Variants in LDB2 observed in about 807,000 individuals in gnomAD.
LDB2 encodes LIM domain-binding protein 2.
LDB2 carries 12 observed loss-of-function variants against 44.3 expected under a neutral mutation model. The ratio of observed to expected loss-of-function variants is 0.27; its 90% CI spans 0.17 to 0.44. The LOEUF is 0.44. Ranked by LOEUF, LDB2 falls within the 20% of genes least tolerant of loss-of-function variation. The pLI is 1.00. For missense variants in LDB2, 344 were observed against 473.5 expected (o/e 0.73, Z 2.54); for synonymous variants, 164 against 174.8 (o/e 0.94, Z 0.49).
rs534606047 is a variant in LDB2, at chr4:16,559,391, C to CA, written c.615+26530dup. 9.9e-3 allele frequency among the ~76,000 whole-genome samples: 1,496 copies of CA among 151,032 alleles called. 24 individuals carry two copies. Among genetic ancestry groups the CA allele is most frequent in the African/African-American group, 0.035 (1,422 of 41,206 alleles). ...GAAGATCTACCAAGCCAATGGAAAA[C>CA]AAAAAAAAGGCAGGGGTTGCAATCC... On this transcript the variant is annotated intron_variant, in intron 5 of 7. Transcript: ENST00000304523.
chr4:16,725,968 AT>A (rs1759360875), intron 2 of LDB2, among the ~76,000 whole-genome samples: 1 of 148,862 alleles, frequency 6.7e-6, no homozygotes, highest in Admixed American at 6.7e-5. Flanking sequence ...TATTTATGAT[AT>A]TAGTACATAA....
chr4:16,856,834 C>CT (rs1293714118), intron 1 of LDB2, among the ~76,000 whole-genome samples: 7 of 152,274 alleles, frequency 4.6e-5, no homozygotes, highest in Non-Finnish European at 1.0e-4. Flanking sequence ...GGTTAAGTCA[C>CT]TTGTCCAAAG....
rs1753055943 is a variant in LDB2 at position 16,699,884 on chromosome 4, C to T, written c.235+59274G>A. Among the ~76,000 whole-genome samples the T allele has an allele frequency of 2.0e-5, 3 of 152,134 alleles. No homozygotes were observed. The South Asian group carries it at 6.2e-4, about 32-fold the overall frequency. ...GCGAACGCTGCATCCACTTAGAACG[C>T]ATGTACAGTAGGGGGGCCAGATTTA... On this transcript the variant is annotated intron_variant, in intron 2 of 7. Transcript: ENST00000304523.
intron 1 of LDB2, among the ~76,000 whole-genome samples, chr4:16,793,069 G>A (rs1227367624): frequency 6.6e-6 from 1 of 152,170 alleles, no homozygotes; most frequent in African/African-American, 2.4e-5. Flanking sequence ...AGAGGTTGAA[G>A]GTGGCTATTT....
chr4:16,661,937 G>T (rs545837566), intron 2 of LDB2, among the ~76,000 whole-genome samples: 1 of 152,108 alleles, frequency 6.6e-6, no homozygotes, highest in Admixed American at 6.5e-5. Flanking sequence ...GGTAGCACTC[G>T]CTCTTGGAAG....
intron 1 of LDB2, among the ~76,000 whole-genome samples, chr4:16,886,370 T>C (rs1366294100): frequency 2.0e-5 from 3 of 152,192 alleles, no homozygotes; most frequent in Non-Finnish European, 4.4e-5. Context: ...TTTAAGAAGA[T>C]TTAAGGACAC....
chr4:16,547,528 G>A (rs983925192), intron 5 of LDB2, among the ~76,000 whole-genome samples: 5 of 152,142 alleles, frequency 3.3e-5, no homozygotes, highest in Admixed American at 1.3e-4. Context: ...TTGGTATCTT[G>A]ACTGGGATGT....
At chr4:16,766,609 G>A (rs1339218889) in intron 1 of LDB2, among the ~76,000 whole-genome samples, 4 of 151,090 alleles carry the variant, frequency 2.6e-5, no homozygotes, top group Non-Finnish European at 2.9e-5. Context: ...GTGTTCAAGC[G>A]ATTCTCCTGC....
At chr4:16,561,551 G>T (rs951918127) in intron 5 of LDB2, among the ~76,000 whole-genome samples, 1 of 152,118 alleles carries the variant, frequency 6.6e-6, no homozygotes, top group Non-Finnish European at 1.5e-5. Context: ...ACAAACCACT[G>T]CTCAAGGCAA....
rs77974501 is a variant in LDB2 at position 16,770,628 on chromosome 4, T to A, written c.133-11368A>T. On this transcript the variant is annotated intron_variant, in intron 1 of 7. Transcript: ENST00000304523. The stretch of plus-strand genomic sequence containing the variant: ...ATAAGCGGCAACATTGGAATTTGCA[T>A]CCTCTCTGACTCATAAATTTTTATT... Among the ~76,000 whole-genome samples the A allele has an allele frequency of 6.7e-3, 1,019 of 152,308 alleles. 5 individuals are homozygous for A. Among genetic ancestry groups the A allele is most frequent in the Middle Eastern group, 0.024 (7 of 294 alleles).
chr4:16,593,797 A>G (rs1252864097), intron 3 of LDB2, among the ~76,000 whole-genome samples: 2 of 152,204 alleles, frequency 1.3e-5, no homozygotes, highest in Admixed American at 1.3e-4. Flanking sequence ...GGAAAATTTC[A>G]GGATAAGAAA....
At chr4:16,874,237 C>T (rs1012569918) in intron 1 of LDB2, among the ~76,000 whole-genome samples, 1 of 151,884 alleles carries the variant, frequency 6.6e-6, no homozygotes, top group Admixed American at 6.6e-5. Flanking sequence ...TCTTAAGATT[C>T]AGTTTTATAT....
intron 2 of LDB2, among the ~76,000 whole-genome samples, chr4:16,716,858 T>C (rs568225619): frequency 1.3e-5 from 2 of 152,238 alleles, no homozygotes; most frequent in East Asian, 3.9e-4. Context: ...TAAATATTTA[T>C]ACTAAATTTT....
At chr4:16,612,352 A>G (rs190464908) in intron 2 of LDB2, among the ~76,000 whole-genome samples, 1 of 152,194 alleles carries the variant, frequency 6.6e-6, no homozygotes, top group African/African-American at 2.4e-5. Context: ...GAAGACAAGA[A>G]ATAACTAAGA....
At chr4:16,562,186 A>C (rs1238323741) in intron 5 of LDB2, among the ~76,000 whole-genome samples, 1 of 152,184 alleles carries the variant, frequency 6.6e-6, no homozygotes, top group East Asian at 1.9e-4. Context: ...AAAACACCAA[A>C]AGCAATGGCA....
intron 2 of LDB2, among the ~76,000 whole-genome samples, chr4:16,689,577 T>C (rs113102431): frequency 0.02 from 3,000 of 152,340 alleles, 51 homozygotes; most frequent in Non-Finnish European, 0.031. Flanking sequence ...GTTCAAATCC[T>C]AACTCTTCCA....
At chr4:16,655,294 C>T (rs938557819) in intron 2 of LDB2, among the ~76,000 whole-genome samples, 2 of 152,136 alleles carry the variant, frequency 1.3e-5, no homozygotes, top group Admixed American at 6.5e-5. Context: ...TTCTCACAGA[C>T]ATGAAGGGGT....
intron 1 of LDB2, among the ~76,000 whole-genome samples, chr4:16,866,352 A>G (rs2110306465): frequency 6.6e-6 from 1 of 152,368 alleles, no homozygotes; most frequent in African/African-American, 2.4e-5. Flanking sequence ...TTACTTTTCA[A>G]AATATAAAAT....
intron 1 of LDB2, among the ~76,000 whole-genome samples, chr4:16,772,350 G>A (rs1648918553): frequency 2.6e-5 from 4 of 152,114 alleles, no homozygotes; most frequent in Admixed American, 1.3e-4. Flanking sequence ...CATATAATAG[G>A]TGGTTAAAAA....
Sources: gnomAD v4.1 joint callset for allele counts (sites outside exome capture counted in the v4.1 genomes callset) on GRCh38, gnomAD v4.1.1 for gene constraint, MANE v1.5 for transcripts, NCBI Gene and HGNC (gene_info 2026-07-23, HGNC 2026-07-21) for gene names.